The following SRF variants were observed in gnomAD, a reference collection of about 807,000 sequenced individuals.
SRF encodes c-fos serum response element-binding transcription factor.
Under a neutral mutation model 37.1 loss-of-function variants are expected in SRF, and 7 were observed. The observed-to-expected ratio is 0.19, with a 90% confidence interval of 0.11 to 0.35. The LOEUF is 0.35. SRF is among the 10% of genes least tolerant of loss of function. The pLI is 1.00. For synonymous variants in SRF, 285 were observed against 310.1 expected (o/e 0.92, Z 0.85); for missense variants, 395 against 694.4 (o/e 0.57, Z 4.85).
intron 2 of SRF, 111 bp downstream of exon 2, chr6:43,174,224 C>G (rs146562071): frequency 7.3e-5 from 100 of 1,373,912 alleles, no homozygotes; most frequent in Middle Eastern, 1.9e-4. Flanking sequence ...GCCGGATTAA[C>G]GACCCTCGTC....
At chr6:43,174,244 A>C in intron 2 of SRF, 131 bp downstream of exon 2, 2 of 1,217,498 alleles carry the variant, frequency 1.6e-6, no homozygotes, top group Non-Finnish European at 2.3e-6. Flanking sequence ...CCTAGGGGAC[A>C]GGTGTCCATC....
chr6:43,172,106 C>A lies in SRF; in HGVS notation c.450C>A (p.Phe150Leu). Reference protein sequence around the residue: ...TRGRVKIKMEFIDNKLRRYTT... With the variant: ...TRGRVKIKMELIDNKLRRYTT... The stretch of plus-strand genomic sequence containing the variant: ...GCCGCGTGAAGATCAAGATGGAGTT[C>A]ATCGACAACAAGCTGCGGCGCTACA... The change falls in exon 1 of 7, where the codon TTC becomes TTA. Residue 150 changes from phenylalanine to leucine, a missense_variant. Physicochemically the swap from Phe to Leu is conservative, Grantham distance 22. Transcript: ENST00000265354. This position sits in a 1 kb window ranked among gnomAD's most constrained non-coding sequence, Gnocchi z 5.7. 6.2e-7 allele frequency: 1 copy of A among 1,612,166 alleles called. No individual in the cohort carries two copies. Among genetic ancestry groups the A allele is most frequent in the Non-Finnish European group, 8.5e-7 (1 of 1,179,764 alleles).
In SRF at chr6:43,179,148, G is replaced by C. The variant is rs1049009019; in HGVS notation, c.1485G>C (p.Gln495His). ...GCAGCAGCAACCTCACCGAGCTACAGGTGGTGAACCTGGACACCGCCCACA... is the reference window on the plus strand; with the variant it reads ...GCAGCAGCAACCTCACCGAGCTACACGTGGTGAACCTGGACACCGCCCACA... Reference protein sequence around the residue: ...AGSSSNLTELQVVNLDTAHST... With the variant: ...AGSSSNLTELHVVNLDTAHST... The change falls in exon 7 of 7, where the codon CAG becomes CAC. Residue 495 changes from glutamine (Q) to histidine (H), a missense_variant. Transcript: ENST00000265354. This position sits in a 1 kb window ranked among gnomAD's most constrained non-coding sequence, Gnocchi z 5.3. 6.2e-7 allele frequency: 1 copy of C among 1,614,266 alleles called. No individual in the cohort carries two copies. Among genetic ancestry groups the C allele is most frequent in the Non-Finnish European group, 8.5e-7 (1 of 1,180,050 alleles).
chr6:43,179,972 C>T lies in SRF; in HGVS notation c.*782C>T, dbSNP rs975446677. 2.0e-5 allele frequency: 3 copies of T among 151,956 alleles called. No homozygotes were observed. The highest frequency in any genetic ancestry group is 2.9e-5 in the Non-Finnish European group (2 of 67,976). The allele number at this position is 151,956 out of a possible 1,614,324, so 9.4% of individuals were successfully genotyped here. A position where few individuals can be genotyped will look rare whatever the true frequency, so the allele number is the denominator to read the frequency against. On this transcript the variant is annotated 3_prime_UTR_variant, in exon 7 of 7. Coordinates refer to ENST00000265354, the MANE Select transcript of SRF (RefSeq NM_003131.4). This position sits in a 1 kb window ranked among gnomAD's most constrained non-coding sequence, Gnocchi z 5.3. ...TAAAATATTTAACTTTTTTTTATGG[C>T]GTTTTTCTCGTCCCCCTCCCTGCCC... is the stretch of plus-strand genomic sequence containing the variant.
At position 43,173,453 on chromosome 6, in the gene SRF, G is replaced by A. The variant is rs1467687564; in HGVS notation, c.514-394G>A. ...AATGGTCCATTATCACTAATGTCTT[G>A]TACAAATTCCAGTGTGATAGGTAGG... On this transcript the variant is annotated intron_variant, in intron 1 of 6. Coordinates refer to ENST00000265354, the MANE Select transcript of SRF (RefSeq NM_003131.4). This position sits in a 1 kb window ranked among gnomAD's most constrained non-coding sequence, Gnocchi z 4.2. Among the ~76,000 whole-genome samples the A allele has an allele frequency of 1.3e-5, 2 of 152,194 alleles. No individual in the cohort carries two copies. Among genetic ancestry groups the A allele is most frequent in the Admixed American group, 6.5e-5 (1 of 15,280 alleles).
In SRF at chr6:43,178,109, T is replaced by C. The variant is rs1772240296; in HGVS notation, c.1163-185T>C. Among the ~76,000 whole-genome samples the C allele has an allele frequency of 3.9e-5, 6 of 152,132 alleles. No homozygotes were observed. The highest frequency in any genetic ancestry group is 7.2e-5 in the African/African-American group (3 of 41,422). ...CAATGTGATAGGATACAATTAAAGA[T>C]TGATGCTGTTGTGTTCAAGAAAAAA... On this transcript the variant is annotated intron_variant, in intron 4 of 6. Transcript: ENST00000265354. This position sits in a 1 kb window ranked among gnomAD's most constrained non-coding sequence, Gnocchi z 4.3.
chr6:43,175,578 G>A (rs923924436), intron 2 of SRF, 128 bp from the exon 3 acceptor site: 1 of 1,235,114 alleles, frequency 8.1e-7, no homozygotes, highest in Non-Finnish European at 1.2e-6. Flanking sequence ...TCAGGCATCA[G>A]GTAAATGGTG....
Position 43,172,550 on chromosome 6 carries a change from C to A in SRF, c.513+381C>A. 1.2e-6 allele frequency: 1 copy of A among 826,512 alleles called. No homozygotes were observed. Among genetic ancestry groups the A allele is most frequent in the Non-Finnish European group, 1.5e-6 (1 of 685,118 alleles). The allele number at this position is 826,512 out of a possible 1,614,324, so 51.2% of individuals were successfully genotyped here. A position where few individuals can be genotyped will look rare whatever the true frequency, so the allele number is the denominator to read the frequency against. ...GTGCACTCCGGTGTTCGGACGAGGG[C>A]GCCGGAAAAGCAGGGAGCAAACGAG... On this transcript the variant is annotated intron_variant, in intron 1 of 6. Coordinates refer to ENST00000265354, the MANE Select transcript of SRF (RefSeq NM_003131.4). This position sits in a 1 kb window ranked among gnomAD's most constrained non-coding sequence, Gnocchi z 5.7.
Position 43,176,851 on chromosome 6 carries a change from C to A in SRF, c.1162+184C>A, listed in dbSNP as rs1428941243. 6.6e-6 allele frequency among the ~76,000 whole-genome samples: 1 copy of A among 152,174 alleles called. No homozygotes were observed. Among genetic ancestry groups the A allele is most frequent in the East Asian group, 1.9e-4 (1 of 5,202 alleles). ...TGACTGGGTTTTGAATCCCGCCCTG[C>A]AGTGGGCTGCGGATTCCAGAAGAAA... On this transcript the variant is annotated intron_variant, in intron 4 of 6. Coordinates refer to ENST00000265354, the MANE Select transcript of SRF (RefSeq NM_003131.4). This position sits in a 1 kb window ranked among gnomAD's most constrained non-coding sequence, Gnocchi z 4.0.
chr6:43,172,290 G>A lies in SRF; in HGVS notation c.513+121G>A. The A allele has an allele frequency of 6.8e-7, 1 of 1,460,040 alleles. No homozygotes were observed. Among genetic ancestry groups the A allele is most frequent in the African/African-American group, 1.4e-5 (1 of 69,548 alleles). 90.4% of individuals were successfully genotyped at this position (1,460,040 alleles called of 1,614,324 possible). ...GAGGCTGCGAGTCCGCAGGAGGTGT[G>A]TGGGAGGGGATGGCTCCTGCCCGGG... On this transcript the variant is annotated intron_variant, in intron 1 of 6. Transcript: ENST00000265354. The surrounding 1 kb of genome is among the most constrained non-coding windows in gnomAD (Gnocchi z 5.7).
chr6:43,175,791 T>C lies in SRF; in HGVS notation c.866T>C (p.Met289Thr), dbSNP rs1379652569. The C allele has an allele frequency of 6.2e-7, 1 of 1,614,214 alleles. No individual in the cohort carries two copies. The highest frequency in any genetic ancestry group is 1.1e-5 in the South Asian group (1 of 91,090). ...ACAGCACCTAGCACCTCTACCACCA[T>C]GCAAGTCAGCAGCGGCCCCTCCTTT... ...IQTAPSTSTT[M>T]QVSSGPSFPI... Residue 289 changes from methionine to threonine, a missense_variant, in exon 3 of 7, where the codon ATG (methionine) becomes ACG (threonine). Met to Thr is a moderately conservative substitution (Grantham distance 81, BLOSUM62 -1). Around this residue, in one of 4 missense-constraint regions of SRF, gnomAD observed 232 missense variants for 335.6 expected, o/e 0.69. Transcript: ENST00000265354.
At position 43,179,392 on chromosome 6, in the gene SRF, T is replaced by C; in HGVS notation, c.*202T>C. Reference sequence around the variant, plus strand: ...CCACCCGTCCTCCCTCAGCCTCCCCTTCTTCCCGCCCCACCTCCCATTTCT... The same window carrying C: ...CCACCCGTCCTCCCTCAGCCTCCCCCTCTTCCCGCCCCACCTCCCATTTCT... On this transcript the variant is annotated 3_prime_UTR_variant, in exon 7 of 7. Transcript: ENST00000265354. This position sits in a 1 kb window ranked among gnomAD's most constrained non-coding sequence, Gnocchi z 5.3. 1 of 597,176 alleles carries C rather than the reference T, an allele frequency of 1.7e-6. No homozygotes were observed. The highest frequency in any genetic ancestry group is 2.0e-5 in the South Asian group (1 of 50,956). The allele number at this position is 597,176 out of a possible 1,614,324, so 37.0% of individuals were successfully genotyped here.
Position 43,175,985 on chromosome 6 carries a change from G to A in SRF, c.1042+18G>A. The A allele has an allele frequency of 6.2e-7, 1 of 1,605,422 alleles. No individual in the cohort carries two copies. The highest frequency in any genetic ancestry group is 8.5e-7 in the Non-Finnish European group (1 of 1,175,872). On this transcript the variant is annotated intron_variant, in intron 3 of 6. Transcript: ENST00000265354. ...CATGCCTGGTGAGTCACGAGGGGCA[G>A]GGAGAGATTCGTCCTTCCTGGGGCA...
intron 4 of SRF, among the ~76,000 whole-genome samples, chr6:43,177,058 A>G (rs181447938): frequency 1.6e-4 from 24 of 152,264 alleles, no homozygotes; most frequent in African/African-American, 5.8e-4. Flanking sequence ...ATCTCTAGAC[A>G]TTTCAGAAAT....
rs1160459724 is a variant in SRF, at chr6:43,172,449, G to A, written c.513+280G>A. On this transcript the variant is annotated intron_variant, in intron 1 of 6. Transcript: ENST00000265354. This position sits in a 1 kb window ranked among gnomAD's most constrained non-coding sequence, Gnocchi z 5.7. ...AGGAAGAGGGCCCTTGCTGAGTGAA[G>A]GGGTGAGGAGCGGTGATGGGAGGCT... is the stretch of plus-strand genomic sequence containing the variant. The A allele has an allele frequency of 1.0e-6, 1 of 985,312 alleles. No homozygotes were observed. Among genetic ancestry groups the A allele is most frequent in the East Asian group, 1.1e-4 (1 of 8,820 alleles). 61.0% of individuals were successfully genotyped at this position (985,312 alleles called of 1,614,324 possible). A position where few individuals can be genotyped will look rare whatever the true frequency, so the allele number is the denominator to read the frequency against.
In SRF at chr6:43,171,745, C is replaced by T; in HGVS notation, c.89C>T (p.Pro30Leu). 1 of 1,201,714 alleles carries T rather than the reference C, an allele frequency of 8.3e-7. No homozygotes were observed. Among genetic ancestry groups the T allele is most frequent in the Non-Finnish European group, 1.0e-6 (1 of 968,410 alleles). The allele number at this position is 1,201,714 out of a possible 1,614,324, so 74.4% of individuals were successfully genotyped here. ...CTGAACCGGACCCCGACGGGGCGGC[C>T]GGGCGGCGGCGGCGGGACACGCGGG... ...GSLNRTPTGRPGGGGGTRGAN... is the reference protein window; with the variant it reads ...GSLNRTPTGRLGGGGGTRGAN... Residue 30 changes from proline (P) to leucine (L), a missense_variant, in exon 1 of 7, where the codon CCG becomes CTG. This residue lies in a region of SRF where 134 missense variants were observed against 204.5 expected (regional missense o/e 0.66). Coordinates refer to ENST00000265354, the MANE Select transcript of SRF (RefSeq NM_003131.4). This position sits in a 1 kb window ranked among gnomAD's most constrained non-coding sequence, Gnocchi z 6.5.
chr6:43,174,256 T>C (rs915764833), intron 2 of SRF, 143 bp downstream of exon 2: 15 of 1,137,766 alleles, frequency 1.3e-5, no homozygotes, highest in Admixed American at 2.7e-5. Flanking sequence ...GTGTCCATCC[T>C]CACTTTCCTG....
At chr6:43,177,138 G>A (rs186639275) in intron 4 of SRF, among the ~76,000 whole-genome samples, 1 of 152,030 alleles carries the variant, frequency 6.6e-6, no homozygotes, top group East Asian at 1.9e-4. Flanking sequence ...TCAAAGTGTG[G>A]CCTATGGACT....
chr6:43,171,592 T>TGGC lies in SRF; in HGVS notation c.-58_-56dup. ...GTGCCGGGTTGAGCCGGGAAGCCGA[T>TGGC]GGCGGCGGCTGCGGCGGCTCCGATT... On this transcript the variant is annotated 5_prime_UTR_variant, in exon 1 of 7. Coordinates refer to ENST00000265354, the MANE Select transcript of SRF (RefSeq NM_003131.4). The surrounding 1 kb of genome is among the most constrained non-coding windows in gnomAD (Gnocchi z 6.5). 7.7e-6 allele frequency: 9 copies of TGGC among 1,176,366 alleles called. No homozygotes were observed. Among genetic ancestry groups the TGGC allele is most frequent in the Non-Finnish European group, 9.5e-6 (9 of 950,264 alleles). 72.9% of individuals were successfully genotyped at this position (1,176,366 alleles called of 1,614,324 possible).
Sources: gnomAD v4.1 joint callset for allele counts (sites outside exome capture counted in the v4.1 genomes callset) on GRCh38, gnomAD v4.1.1 for gene constraint, gnomAD v4.1.1 regional missense constraint, Gnocchi (gnomAD v3.1) non-coding constraint, MANE v1.5 for transcripts, NCBI Gene and HGNC (gene_info 2026-07-23, HGNC 2026-07-21) for gene names.